IL13RA1: variants seen among roughly 807,000 people sequenced by gnomAD.
IL13RA1 encodes the protein interleukin 13 receptor subunit alpha 1.
In IL13RA1, 14 loss-of-function variants were observed where a neutral mutation model predicts 33.8. That is an observed-to-expected ratio of 0.41 (90% confidence interval 0.27 to 0.65). The LOEUF is 0.65. IL13RA1 is among the 30% of genes least tolerant of loss of function. IL13RA1 has a pLI of 0.28. For synonymous variants in IL13RA1, 116 were observed against 115.7 expected, an observed-to-expected ratio of 1.00 and a Z score of -0.02; for missense variants, 313 against 327.0, an observed-to-expected ratio of 0.96 and a Z score of 0.33.
chrX:118,735,394 A>G (rs906260282), intron 1 of IL13RA1, among the ~76,000 whole-genome samples: 1 of 111,045 alleles, frequency 9.0e-6, no homozygotes, highest in Non-Finnish European at 1.9e-5. Flanking sequence ...GCAAGTTGTA[A>G]AGTTAAGGTT....
chrX:118,743,989 T>TA (rs1020015921), intron 2 of IL13RA1, among the ~76,000 whole-genome samples: 3 of 111,341 alleles, frequency 2.7e-5, no homozygotes, highest in African/African-American at 9.8e-5. Context: ...CTACTAAAAA[T>TA]ACAAAAGTTA....
At chrX:118,790,792 C>G (rs952941781) in intron 10 of IL13RA1, among the ~76,000 whole-genome samples, 1 of 112,321 alleles carries the variant, frequency 8.9e-6, no homozygotes, top group Non-Finnish European at 1.9e-5. Flanking sequence ...GTTGCACAAC[C>G]TGAGGCAGCT....
chrX:118,799,150 G>A (rs775188552), downstream of IL13RA1, among the ~76,000 whole-genome samples: 7 of 113,270 alleles, frequency 6.2e-5, no homozygotes, highest in African/African-American at 1.9e-4. Context: ...CCGGCCCACC[G>A]GCGCTGTGCT....
downstream of IL13RA1, among the ~76,000 whole-genome samples, chrX:118,795,227 A>AG (rs753899946): frequency 2.3e-3 from 216 of 95,005 alleles, 15 homozygotes; most frequent in African/African-American, 9.6e-3. Flanking sequence ...AAAAAAAAAA[A>AG]AAAGAAAAAG....
At position 118,791,952 on chromosome X, in the gene IL13RA1, C is replaced by T; in HGVS notation, c.*98C>T. ...ACTTATTAAATGGAAACTGAAACTA[C>T]TGCACCATTTAAAAACAGGCAGCTC... On this transcript the variant is annotated 3_prime_UTR_variant, in exon 11 of 11. Coordinates refer to ENST00000371666, the MANE Select transcript of IL13RA1 (RefSeq NM_001560.3). 1 of 434,724 alleles carries T rather than the reference C, an allele frequency of 2.3e-6. No individual in the cohort carries two copies. Among genetic ancestry groups the T allele is most frequent in the East Asian group, 4.1e-5 (1 of 24,519 alleles). The allele number at this position is 434,724 out of a possible 1,213,427, so 35.8% of individuals were successfully genotyped here.
At chrX:118,772,225 C>G (rs1478016145) in intron 8 of IL13RA1, among the ~76,000 whole-genome samples, 2 of 112,690 alleles carry the variant, frequency 1.8e-5, no homozygotes, top group Non-Finnish European at 3.8e-5. Flanking sequence ...ACATCTATGT[C>G]TCCTGGCTCA....
At chrX:118,736,506 C>G (rs1008855258) in intron 1 of IL13RA1, among the ~76,000 whole-genome samples, 2 of 111,778 alleles carry the variant, frequency 1.8e-5, no homozygotes, top group African/African-American at 6.5e-5. Flanking sequence ...TGAGCATCAA[C>G]CTGAAGTGTA....
intron 9 of IL13RA1, among the ~76,000 whole-genome samples, chrX:118,774,514 G>A (rs2017761545): frequency 8.9e-6 from 1 of 112,248 alleles, no homozygotes; most frequent in South Asian, 3.6e-4. Flanking sequence ...CTCAAGCACT[G>A]CTGCCTTTGC....
intron 10 of IL13RA1, among the ~76,000 whole-genome samples, chrX:118,788,184 G>C (rs995213738): frequency 8.9e-6 from 1 of 111,885 alleles, no homozygotes; most frequent in Non-Finnish European, 1.9e-5. Context: ...ACTTCAGCAG[G>C]TCCCTCCGTT....
In IL13RA1 at chrX:118,740,920, G is replaced by T. The variant is rs1022460281; in HGVS notation, c.89-97G>T. 8.8e-5 allele frequency: 54 copies of T among 614,047 alleles called. No homozygotes were observed. The South Asian group carries it at 1.3e-3, about 14-fold the overall frequency. The allele number at this position is 614,047 out of a possible 1,213,427, so 50.6% of individuals were successfully genotyped here. A position where few individuals can be genotyped will look rare whatever the true frequency, so the allele number is the denominator to read the frequency against. The stretch of plus-strand genomic sequence containing the variant: ...GTAAATGTTAGATGTTGTTAACTCA[G>T]TTATTACTGTCTTGTCCTCTAGGAC... On this transcript the variant is annotated intron_variant, in intron 1 of 10. Coordinates refer to ENST00000371666, the MANE Select transcript of IL13RA1 (RefSeq NM_001560.3).
intron 1 of IL13RA1, among the ~76,000 whole-genome samples, chrX:118,734,604 G>A (rs2017260776): frequency 8.9e-6 from 1 of 112,121 alleles, no homozygotes; most frequent in African/African-American, 3.2e-5. Context: ...TTCTGTTAAT[G>A]TGGTATATTA....
chrX:118,776,548 T>TTG (rs1569458612), intron 10 of IL13RA1, 37 bp downstream of exon 10: 1 of 478,413 alleles, frequency 2.1e-6, no homozygotes, highest in South Asian at 3.3e-5. Flanking sequence ...AATGTTTTTT[T>TTG]TTTTTTTTTT....
At chrX:118,779,074 G>A (rs1380555541) in intron 10 of IL13RA1, among the ~76,000 whole-genome samples, 1 of 112,164 alleles carries the variant, frequency 8.9e-6, no homozygotes, top group East Asian at 2.8e-4. Flanking sequence ...GGTTGGCATA[G>A]GGGATTTCTG....
intron 1 of IL13RA1, among the ~76,000 whole-genome samples, chrX:118,736,995 G>A (rs1332525766): frequency 1.8e-5 from 2 of 112,624 alleles, no homozygotes; most frequent in Non-Finnish European, 3.7e-5. Context: ...AAAATGAGGC[G>A]ACAAGGGAAG....
chrX:118,774,156 T>TC (rs1261430329), intron 9 of IL13RA1, among the ~76,000 whole-genome samples, 181 bp downstream of exon 9: 2 of 107,261 alleles, frequency 1.9e-5, no homozygotes, highest in African/African-American at 6.8e-5. Flanking sequence ...TCTTTTCTTT[T>TC]TTTTTTTTTT....
At chrX:118,746,852 A>G in intron 2 of IL13RA1, 102 bp from the exon 3 acceptor site, 8 of 581,604 alleles carry the variant, frequency 1.4e-5, no homozygotes, top group Non-Finnish European at 2.2e-5. Flanking sequence ...ACCATTTGAT[A>G]ACTTTTTTGA....
At position 118,770,518 on chromosome X, in the gene IL13RA1, A is replaced by G. The variant is rs754585048; in HGVS notation, c.1010-3361A>G. On this transcript the variant is annotated intron_variant, in intron 8 of 10. Transcript: ENST00000371666. ...CCCCATCCCCAACAACAACGGCTTC[A>G]TCAACCAGGACTTCGTGGTGTGGAT... 4.3e-5 allele frequency: 23 copies of G among 535,264 alleles called. No individual in the cohort carries two copies. In the Admixed American group the frequency reaches 4.3e-4, roughly 10 times the overall value. The allele number at this position is 535,264 out of a possible 1,213,427, so 44.1% of individuals were successfully genotyped here.
At chrX:118,800,780 CATTTT>C in the IL13RA1 span, among the ~76,000 whole-genome samples, 3 of 110,306 alleles carry the variant, frequency 2.7e-5, no homozygotes, top group East Asian at 8.4e-4. Context: ...AAGTTTCATT[CATTTT>C]ATTTTATTTA....
intron 4 of IL13RA1, among the ~76,000 whole-genome samples, chrX:118,755,792 T>C (rs1387885359): frequency 1.8e-5 from 2 of 112,128 alleles, no homozygotes; most frequent in Admixed American, 1.9e-4. Context: ...CTTCAGTTTC[T>C]GTTTTTGGCC....
Sources: allele counts gnomAD v4.1 joint callset (sites outside exome capture counted in the v4.1 genomes callset), GRCh38; gene constraint gnomAD v4.1.1; transcripts MANE v1.5; gene names NCBI Gene and HGNC (gene_info 2026-07-23, HGNC 2026-07-21).